Variants in KCND3 observed in about 807,000 individuals in gnomAD.
KCND3 encodes the protein potassium voltage-gated channel subfamily D member 3, also known as A-type voltage-gated potassium channel KCND3.
Under a neutral mutation model 51.1 loss-of-function variants are expected in KCND3, and 9 were observed. That is an observed-to-expected ratio of 0.18 (90% CI 0.11 to 0.31). KCND3 has a LOEUF of 0.31. Ranked by LOEUF, KCND3 falls within the 10% of genes least tolerant of loss-of-function variation. KCND3 has a pLI of 1.00. For synonymous variants in KCND3, 349 were observed against 368.0 expected, an observed-to-expected ratio of 0.95 and a Z score of 0.59; for missense variants, 526 against 903.8, an observed-to-expected ratio of 0.58 and a Z score of 5.36.
intron 2 of KCND3, among the ~76,000 whole-genome samples, chr1:111,842,674 C>T (rs1667380538): frequency 6.6e-6 from 1 of 152,206 alleles, no homozygotes; most frequent in Non-Finnish European, 1.5e-5. Context: ...CCACCTCCAT[C>T]TGTAGGACTG....
chr1:111,872,346 A>G (rs1021527154), intron 2 of KCND3, among the ~76,000 whole-genome samples: 1 of 152,218 alleles, frequency 6.6e-6, no homozygotes, highest in African/African-American at 2.4e-5. Context: ...AGGAATGCAC[A>G]TTATTAGTAT....
At chr1:111,852,497 TC>T (rs1667865986) in intron 2 of KCND3, among the ~76,000 whole-genome samples, 1 of 152,188 alleles carries the variant, frequency 6.6e-6, no homozygotes, top group African/African-American at 2.4e-5. Flanking sequence ...TCCGGCACCT[TC>T]TTTTAAGGGG....
At chr1:111,831,071 C>T (rs1011660827) in intron 2 of KCND3, among the ~76,000 whole-genome samples, 3 of 152,230 alleles carry the variant, frequency 2.0e-5, no homozygotes, top group African/African-American at 7.2e-5. Context: ...ACCCTCCTGG[C>T]CTGGAAGGTT....
rs1379071169 is a variant in KCND3 at position 111,780,386 on chromosome 1, A to T, written c.1372-72T>A. 7.2e-7 allele frequency: 1 copy of T among 1,382,430 alleles called. No individual in the cohort carries two copies. Among genetic ancestry groups the T allele is most frequent in the Non-Finnish European group, 1.0e-6 (1 of 993,006 alleles). 85.6% of individuals were successfully genotyped at this position (1,382,430 alleles called of 1,614,324 possible). Reference sequence around the variant, plus strand: ...CCCTCTCCAGCTCCTTCATTTCTCCACTAAAGGTCAAAGGGCAATAGAATA... The same window carrying T: ...CCCTCTCCAGCTCCTTCATTTCTCCTCTAAAGGTCAAAGGGCAATAGAATA... On this transcript the variant is annotated intron_variant, in intron 4 of 7. Transcript: ENST00000302127. The surrounding 1 kb of genome is among the most constrained non-coding windows in gnomAD (Gnocchi z 4.2).
intron 2 of KCND3, among the ~76,000 whole-genome samples, chr1:111,831,213 T>C (rs544508435): frequency 1.3e-5 from 2 of 152,356 alleles, no homozygotes; most frequent in East Asian, 3.9e-4. Context: ...CCTTTACCTT[T>C]TGTCATTTTT....
intron 2 of KCND3, among the ~76,000 whole-genome samples, chr1:111,937,598 C>G (rs1271467377): frequency 6.6e-6 from 1 of 152,210 alleles, no homozygotes; most frequent in Non-Finnish European, 1.5e-5. Context: ...CTCATTGTAA[C>G]AAGTCTATTA....
At chr1:111,782,069 C>T (rs1664413053) in intron 3 of KCND3, among the ~76,000 whole-genome samples, 1 of 152,096 alleles carries the variant, frequency 6.6e-6, no homozygotes. Flanking sequence ...CCTCCTGGCT[C>T]TGAGCAAGTC....
At chr1:111,838,442 G>A (rs938143358) in intron 2 of KCND3, among the ~76,000 whole-genome samples, 1 of 152,146 alleles carries the variant, frequency 6.6e-6, no homozygotes, top group African/African-American at 2.4e-5. Context: ...CGGATCACGA[G>A]GTCAGGAGTT....
intron 2 of KCND3, among the ~76,000 whole-genome samples, chr1:111,912,226 C>G (rs560293601): frequency 1.1e-4 from 17 of 152,330 alleles, no homozygotes; most frequent in African/African-American, 3.8e-4. Context: ...TGGCCAATGC[C>G]AGATGGCGTA....
intron 2 of KCND3, among the ~76,000 whole-genome samples, chr1:111,959,456 C>T (rs1329894961): frequency 6.6e-6 from 1 of 152,178 alleles, no homozygotes; most frequent in Non-Finnish European, 1.5e-5. Context: ...AAGCTCGCCC[C>T]ATCCACCACT....
chr1:111,792,311 G>T (rs778717362), intron 2 of KCND3, among the ~76,000 whole-genome samples: 11 of 152,246 alleles, frequency 7.2e-5, no homozygotes, highest in Non-Finnish European at 1.3e-4. Flanking sequence ...AAAGTCCAGA[G>T]AGGACAGGAA....
chr1:111,911,876 C>G (rs1054074682), intron 2 of KCND3, among the ~76,000 whole-genome samples: 1 of 152,198 alleles, frequency 6.6e-6, no homozygotes, highest in Non-Finnish European at 1.5e-5. Context: ...GAGACCCCTA[C>G]AATTTCTCTA....
At chr1:111,979,739 T>C (rs1195618752) in intron 2 of KCND3, among the ~76,000 whole-genome samples, 1 of 152,200 alleles carries the variant, frequency 6.6e-6, no homozygotes, top group Non-Finnish European at 1.5e-5. Context: ...TGCAGGGCTG[T>C]TGTAAAAACT....
At chr1:111,818,391 C>G (rs933188935) in intron 2 of KCND3, among the ~76,000 whole-genome samples, 1 of 152,170 alleles carries the variant, frequency 6.6e-6, no homozygotes, top group Non-Finnish European at 1.5e-5. Flanking sequence ...AGGCCAAAGG[C>G]AGATGGGAGT....
chr1:111,794,532 C>T (rs773608001), intron 2 of KCND3, among the ~76,000 whole-genome samples: 1 of 152,234 alleles, frequency 6.6e-6, no homozygotes, highest in Non-Finnish European at 1.5e-5. Flanking sequence ...ATCTTCTCCA[C>T]TGGGATGCCC....
At chr1:111,813,794 G>A (rs917077188) in intron 2 of KCND3, among the ~76,000 whole-genome samples, 3 of 152,228 alleles carry the variant, frequency 2.0e-5, no homozygotes, top group Admixed American at 6.5e-5. Context: ...ACAATCCTGT[G>A]GCAGCTGGGA....
chr1:111,828,646 T>C (rs1666687021), intron 2 of KCND3, among the ~76,000 whole-genome samples: 1 of 152,178 alleles, frequency 6.6e-6, no homozygotes, highest in Non-Finnish European at 1.5e-5. Flanking sequence ...AGCTCTGGGA[T>C]CTGCTATGCA....
intron 2 of KCND3, among the ~76,000 whole-genome samples, chr1:111,865,749 G>T (rs1352416748): frequency 6.6e-6 from 1 of 152,186 alleles, no homozygotes; most frequent in African/African-American, 2.4e-5. Context: ...CTGTTGTCCA[G>T]GCTGGAGTGC....
chr1:111,922,750 C>T (rs1009930503), intron 2 of KCND3, among the ~76,000 whole-genome samples: 11 of 152,218 alleles, frequency 7.2e-5, no homozygotes, highest in African/African-American at 2.4e-4. Context: ...TTGAGTTCTG[C>T]ATCTAGCAAT....
Sources: gnomAD v4.1 joint callset for allele counts (sites outside exome capture counted in the v4.1 genomes callset) on GRCh38, gnomAD v4.1.1 for gene constraint, Gnocchi (gnomAD v3.1) non-coding constraint, MANE v1.5 for transcripts, NCBI Gene and HGNC (gene_info 2026-07-23, HGNC 2026-07-21) for gene names.